Variants in STARD9 observed in about 807,000 individuals in gnomAD.
The protein encoded by STARD9 is StAR related lipid transfer domain containing 9.
In STARD9, 346 loss-of-function variants were observed where a neutral mutation model predicts 399.8. The observed-to-expected ratio is 0.87, with a 90% CI of 0.79 to 0.95. The LOEUF (loss-of-function observed/expected upper bound fraction) is 0.95. STARD9 is among the 40% of genes least tolerant of loss of function. The pLI is 0.00. For synonymous variants in STARD9, 2,203 were observed against 2,143.5 expected (o/e 1.03, Z -0.77); for missense variants, 5,832 against 5,667.5 (o/e 1.03, Z -0.93).
chr15:42,672,380 A>T (rs1253406224), intron 16 of STARD9: 6 of 152,246 alleles, frequency 3.9e-5, no homozygotes, highest in Non-Finnish European at 5.9e-5. Flanking sequence ...GGCAGTGAAC[A>T]CATATGCCAG....
At position 42,661,179 on chromosome 15, in the gene STARD9, C is replaced by T. The variant is rs767165285; in HGVS notation, c.724C>T (p.Pro242Ser). The T allele has an allele frequency of 5.9e-6, 9 of 1,536,756 alleles. No homozygotes were observed. The highest frequency in any genetic ancestry group is 2.0e-5 in the Admixed American group (1 of 50,966). ...YTQAILENNL[P>S]SEMASKINLV... ...CTAGGCAATCCTGGAGAACAACCTC[C>T]CTTCTGAAATGGCTAGCAAGATCAA... Residue 242 changes from proline (P) to serine (S), a missense_variant, in exon 10 of 33, where the codon CCT (proline) becomes TCT (serine). Coordinates refer to ENST00000290607, the MANE Select transcript of STARD9 (RefSeq NM_020759.3).
Position 42,693,829 on chromosome 15 carries a change from ACCT to A in STARD9, c.12253_12255del (p.Leu4085del). 2 of 1,536,490 alleles carry A rather than the reference ACCT, an allele frequency of 1.3e-6. No individual in the cohort carries two copies. The highest frequency in any genetic ancestry group is 1.7e-6 in the Non-Finnish European group (2 of 1,146,666). ...CCTTCTTCATGGGGAGGCCTCCAGC[ACCT>A]CAGCCCCTGCCCTGTCTCTGAGTTG... On this transcript the variant is annotated inframe_deletion, in exon 23 of 33. Coordinates refer to ENST00000290607, the MANE Select transcript of STARD9 (RefSeq NM_020759.3).
Position 42,719,883 on chromosome 15 carries a change from A to G in STARD9, c.*309A>G, listed in dbSNP as rs1372674488. On this transcript the variant is annotated 3_prime_UTR_variant, in exon 33 of 33. Transcript: ENST00000290607. Reference sequence around the variant, plus strand: ...CTGTTTCTGGGACTCTGCGGCAGACAGGACACTTAAGGACCAGGACTGGGC... The same window carrying G: ...CTGTTTCTGGGACTCTGCGGCAGACGGGACACTTAAGGACCAGGACTGGGC... 1 of 269,156 alleles carries G rather than the reference A, an allele frequency of 3.7e-6. No homozygotes were observed. Among genetic ancestry groups the G allele is most frequent in the African/African-American group, 2.2e-5 (1 of 45,038 alleles). The allele number at this position is 269,156 out of a possible 1,614,324, so 16.7% of individuals were successfully genotyped here. A position where few individuals can be genotyped will look rare whatever the true frequency, so the allele number is the denominator to read the frequency against.
Position 42,689,370 on chromosome 15 carries a change from CA to C in STARD9, c.7795del (p.Ile2599Ter). The part of the protein sequence containing the change: ...SRVAGRPQCK[Q>X]IDQSSSDQTR... ...GGTTGCTGGCAGGCCTCAGTGTAAACAAATAGACCAGTCATCATCAGACCAG... is the reference window on the plus strand; with the variant it reads ...GGTTGCTGGCAGGCCTCAGTGTAAACAATAGACCAGTCATCATCAGACCAG... On this transcript the variant is annotated frameshift_variant, in exon 23 of 33. Transcript: ENST00000290607. LOFTEE classifies it high-confidence loss of function. The C allele has an allele frequency of 6.5e-6, 10 of 1,537,300 alleles. No homozygotes were observed. Among genetic ancestry groups the C allele is most frequent in the Non-Finnish European group, 7.8e-6 (9 of 1,146,928 alleles).
intron 3 of STARD9, among the ~76,000 whole-genome samples, chr15:42,626,301 C>CCTTCTTCCTCTTCCT (rs2059211522): frequency 1.2e-5 from 1 of 85,014 alleles, no homozygotes; most frequent in Admixed American, 9.9e-5. Context: ...CTCTTCCTCC[C>CCTTCTTCCTCTTCCT]CTTCTTCCTC....
In STARD9 at chr15:42,687,984, A is replaced by G. The variant is rs2060602625; in HGVS notation, c.6406A>G (p.Asn2136Asp). 9 of 1,537,542 alleles carry G rather than the reference A, an allele frequency of 5.9e-6. No individual in the cohort carries two copies. The highest frequency in any genetic ancestry group is 6.1e-6 in the Non-Finnish European group (7 of 1,146,984). ...TAGTGAAGCTGGAGCGATGGAGGTT[A>G]ACAGCATTGGGAACCATCCCCAGGT... ...RDSEAGAMEV[N>D]SIGNHPQVQK... The change falls in exon 23 of 33, where the codon AAC (asparagine) becomes GAC (aspartate). Residue 2136 changes from asparagine (N) to aspartate (D), a missense_variant. By Grantham distance (23) the Asn-to-Asp change is conservative. Coordinates refer to ENST00000290607, the MANE Select transcript of STARD9 (RefSeq NM_020759.3).
Position 42,575,666 on chromosome 15 carries a change from T to C in STARD9, c.-50T>C. 6.5e-7 allele frequency: 1 copy of C among 1,531,946 alleles called. No homozygotes were observed. The highest frequency in any genetic ancestry group is 1.2e-5 in the South Asian group (1 of 83,870). 94.9% of individuals were successfully genotyped at this position (1,531,946 alleles called of 1,614,324 possible). A position where few individuals can be genotyped will look rare whatever the true frequency, so the allele number is the denominator to read the frequency against. The stretch of plus-strand genomic sequence containing the variant: ...TGTGTCTGGGCTTAGGGCGGGGGCC[T>C]GGGATGCTGCCGCTGAGCTGACCCG... On this transcript the variant is annotated 5_prime_UTR_variant, in exon 1 of 33. Coordinates refer to ENST00000290607, the MANE Select transcript of STARD9 (RefSeq NM_020759.3).
At chr15:42,590,975 C>T (rs564034284) in intron 3 of STARD9, among the ~76,000 whole-genome samples, 1 of 152,322 alleles carries the variant, frequency 6.6e-6, no homozygotes, top group African/African-American at 2.4e-5. Context: ...GATGCACAAA[C>T]TGTGTCAGTG....
At chr15:42,576,415 G>A (rs1294984212) in intron 1 of STARD9, among the ~76,000 whole-genome samples, 2 of 152,138 alleles carry the variant, frequency 1.3e-5, no homozygotes, top group Non-Finnish European at 2.9e-5. Flanking sequence ...GTGCAGCCAC[G>A]AACTTTTTTC....
intron 3 of STARD9, among the ~76,000 whole-genome samples, chr15:42,592,961 T>G (rs1033171762): frequency 1.3e-5 from 2 of 152,196 alleles, no homozygotes; most frequent in Non-Finnish European, 2.9e-5. Context: ...TTGCTTATCC[T>G]CTTTGCTTTC....
At chr15:42,695,447 G>A in intron 25 of STARD9, 124 bp downstream of exon 25, 1 of 953,622 alleles carries the variant, frequency 1.0e-6, no homozygotes, top group Non-Finnish European at 1.5e-6. Flanking sequence ...TGGGACCCCT[G>A]TTGTCAACTC....
chr15:42,605,732 A>C (rs578053180), intron 3 of STARD9, among the ~76,000 whole-genome samples: 2 of 152,334 alleles, frequency 1.3e-5, no homozygotes, highest in African/African-American at 4.8e-5. Flanking sequence ...AGGAAGATTA[A>C]TGCAGCTTCC....
At chr15:42,576,480 T>G (rs137999320) in intron 1 of STARD9, among the ~76,000 whole-genome samples, 412 of 152,168 alleles carry the variant, frequency 2.7e-3, no homozygotes, top group African/African-American at 9.4e-3. Context: ...TGTTGACAGG[T>G]GGAGAGAGTT....
chr15:42,699,600 A>C (rs1015174197), intron 26 of STARD9, among the ~76,000 whole-genome samples: 1 of 151,528 alleles, frequency 6.6e-6, no homozygotes, highest in South Asian at 2.1e-4. Flanking sequence ...TCACCATGTT[A>C]GCCAGGATGG....
At chr15:42,643,256 G>A (rs1310239844) in intron 7 of STARD9, among the ~76,000 whole-genome samples, 1 of 151,638 alleles carries the variant, frequency 6.6e-6, no homozygotes, top group Non-Finnish European at 1.5e-5. Context: ...GAGCGCAGTG[G>A]TAGGATCTCA....
intron 3 of STARD9, among the ~76,000 whole-genome samples, chr15:42,589,991 C>T (rs779412480): frequency 7.6e-4 from 101 of 132,560 alleles, no homozygotes; most frequent in African/African-American, 2.0e-3. Context: ...GACCGGGTCT[C>T]GCTCTGTCAC....
chr15:42,651,192 G>A, intron 8 of STARD9, 107 bp downstream of exon 8: 1 of 736,366 alleles, frequency 1.4e-6, no homozygotes, highest in Non-Finnish European at 2.1e-6. Context: ...GTCTCTGTGT[G>A]TAGAGATGTT....
intron 3 of STARD9, among the ~76,000 whole-genome samples, chr15:42,601,731 G>A (rs1566865533): frequency 6.6e-6 from 1 of 152,228 alleles, no homozygotes; most frequent in Non-Finnish European, 1.5e-5. Flanking sequence ...GTGCAAAGAT[G>A]GACAGTGTGT....
chr15:42,692,219 T>C lies in STARD9; in HGVS notation c.10641T>C (p.Asn3547=), dbSNP rs1774637020. Residue 3547 remains asparagine, a synonymous_variant, in exon 23 of 33, where the codon AAT becomes AAC. Transcript: ENST00000290607. ...DLSTTHSSTE[N]AQGSNEAWEV... ...CAACCACACACAGCAGCACTGAGAA[T>C]GCCCAGGGTTCAAATGAGGCCTGGG... is the stretch of plus-strand genomic sequence containing the variant. 1 of 1,537,066 alleles carries C rather than the reference T, an allele frequency of 6.5e-7. No homozygotes were observed. The highest frequency in any genetic ancestry group is 8.7e-7 in the Non-Finnish European group (1 of 1,146,888).
Sources: allele counts gnomAD v4.1 joint callset (sites outside exome capture counted in the v4.1 genomes callset), GRCh38; gene constraint gnomAD v4.1.1; transcripts MANE v1.5; gene names NCBI Gene and HGNC (gene_info 2026-07-23, HGNC 2026-07-21).